The following XRCC4 variants were observed in gnomAD, a reference collection of about 807,000 sequenced individuals.
XRCC4 encodes DNA repair protein XRCC4.
A neutral mutation model predicts 39.1 loss-of-function variants in XRCC4; 28 were observed. The observed-to-expected ratio is 0.72, with a 90% CI of 0.53 to 0.98. The LOEUF (loss-of-function observed/expected upper bound fraction) is 0.98. Among genes scored for constraint, XRCC4 ranks in the 50% least tolerant of loss-of-function variants. The pLI is 0.00. For synonymous variants in XRCC4, 123 were observed against 126.4 expected (o/e 0.97, Z 0.18); for missense variants, 350 against 376.4 (o/e 0.93, Z 0.58).
At chr5:83,326,383 T>C (rs1756261789) in intron 7 of XRCC4, among the ~76,000 whole-genome samples, 1 of 152,090 alleles carries the variant, frequency 6.6e-6, no homozygotes, top group African/African-American at 2.4e-5. Context: ...TTTATAGTTT[T>C]TGGGTTTTAC....
chr5:83,349,510 C>T (rs1444002608), intron 7 of XRCC4, among the ~76,000 whole-genome samples: 3 of 152,112 alleles, frequency 2.0e-5, no homozygotes, highest in African/African-American at 7.2e-5. Context: ...TTACTGAGTA[C>T]CTGTTATGAC....
intron 3 of XRCC4, among the ~76,000 whole-genome samples, chr5:83,176,263 A>G (rs1206337159): frequency 3.3e-5 from 5 of 152,164 alleles, no homozygotes. Context: ...TAAAGAAGTT[A>G]AATATCTTTC....
chr5:83,154,417 T>C (rs1173680451), intron 3 of XRCC4, among the ~76,000 whole-genome samples: 2 of 152,196 alleles, frequency 1.3e-5, no homozygotes, highest in Non-Finnish European at 2.9e-5. Flanking sequence ...ATTTCATTTT[T>C]GGATTCCTGA....
chr5:83,355,100 G>C (rs1390789319), downstream of XRCC4, among the ~76,000 whole-genome samples: 1 of 151,630 alleles, frequency 6.6e-6, no homozygotes, highest in Non-Finnish European at 1.5e-5. Context: ...TACTCCCCTT[G>C]CCTCTCAAGT....
chr5:83,084,439 T>G (rs1479596461), intron 1 of XRCC4, among the ~76,000 whole-genome samples: 1 of 152,196 alleles, frequency 6.6e-6, no homozygotes, highest in Non-Finnish European at 1.5e-5. Context: ...TAGGCACTTT[T>G]GGGGAGGAAA....
At position 83,134,831 on chromosome 5, in the gene XRCC4, A is replaced by G. The variant is rs563266075; in HGVS notation, c.315+23628A>G. ...CTGCAGCTTCACTCCTGAAGCCAAC[A>G]AGACCATGAACCCTCTGGGCAGAAG... On this transcript the variant is annotated intron_variant, in intron 3 of 7. Coordinates refer to ENST00000396027, the MANE Select transcript of XRCC4 (RefSeq NM_003401.5). Among the ~76,000 whole-genome samples the G allele has an allele frequency of 5.3e-5, 8 of 152,242 alleles. 2 individuals are homozygous for G. The South Asian group carries it at 1.7e-3, about 32-fold the overall frequency.
chr5:83,096,054 G>A (rs1474618552), intron 1 of XRCC4, among the ~76,000 whole-genome samples: 1 of 152,016 alleles, frequency 6.6e-6, no homozygotes, highest in Non-Finnish European at 1.5e-5. Context: ...GGTTGGAGCT[G>A]AGACTGAGCC....
At chr5:83,204,792 A>T (rs751192906) in intron 5 of XRCC4, 23 bp from the exon 6 acceptor site, 2 of 1,590,486 alleles carry the variant, frequency 1.3e-6, no homozygotes, top group Non-Finnish European at 8.6e-7. Flanking sequence ...GTTATTTATA[A>T]TTCTACCTTT....
the XRCC4 span, among the ~76,000 whole-genome samples, chr5:83,374,297 G>A: frequency 6.6e-6 from 1 of 152,190 alleles, no homozygotes; most frequent in Non-Finnish European, 1.5e-5. Flanking sequence ...TCTCATGGTA[G>A]TGAATAAGTC....
intron 6 of XRCC4, among the ~76,000 whole-genome samples, chr5:83,241,937 A>G (rs923777928): frequency 6.9e-6 from 1 of 145,932 alleles, no homozygotes; most frequent in Non-Finnish European, 1.5e-5. Context: ...TGGCTGAGGA[A>G]GAGTGGGAGG....
downstream of XRCC4, among the ~76,000 whole-genome samples, chr5:83,354,388 C>T (rs952049760): frequency 2.6e-5 from 4 of 152,128 alleles, no homozygotes; most frequent in South Asian, 4.1e-4. Flanking sequence ...TATTCTAGGT[C>T]GTTTGTGATT....
At chr5:83,085,133 AACTT>A (rs1338407942) in intron 1 of XRCC4, among the ~76,000 whole-genome samples, 5 of 152,208 alleles carry the variant, frequency 3.3e-5, no homozygotes, top group South Asian at 2.1e-4. Flanking sequence ...GAATGCTATT[AACTT>A]ACTTCTAATT....
intron 7 of XRCC4, among the ~76,000 whole-genome samples, chr5:83,291,899 TTA>T (rs1012807562): frequency 2.6e-5 from 4 of 151,396 alleles, no homozygotes; most frequent in African/African-American, 9.7e-5. Flanking sequence ...GATAGATGAG[TTA>T]TATATATGTT....
intron 6 of XRCC4, among the ~76,000 whole-genome samples, chr5:83,219,368 A>G (rs970877511): frequency 1.3e-5 from 2 of 152,134 alleles, no homozygotes; most frequent in African/African-American, 4.8e-5. Context: ...TTCTGAAGCA[A>G]GGATCCAAAT....
chr5:83,121,443 A>T (rs1747004746), intron 3 of XRCC4, among the ~76,000 whole-genome samples: 1 of 152,114 alleles, frequency 6.6e-6, no homozygotes, highest in Admixed American at 6.6e-5. Context: ...ATTACTTGGT[A>T]TGGTCAGATT....
At chr5:83,216,922 T>C (rs1751881077) in intron 6 of XRCC4, among the ~76,000 whole-genome samples, 1 of 152,122 alleles carries the variant, frequency 6.6e-6, no homozygotes, top group Non-Finnish European at 1.5e-5. Context: ...CTAAAATCAT[T>C]GAATTGTACA....
At chr5:83,160,647 AG>A in intron 3 of XRCC4, among the ~76,000 whole-genome samples, 1 of 152,294 alleles carries the variant, frequency 6.6e-6, no homozygotes, top group South Asian at 2.1e-4. Context: ...ATATTCTTTC[AG>A]AATTATAATT....
chr5:83,082,461 G>T (rs1482142715), intron 1 of XRCC4, among the ~76,000 whole-genome samples: 1 of 152,150 alleles, frequency 6.6e-6, no homozygotes, highest in African/African-American at 2.4e-5. Context: ...TGGGTGAGGG[G>T]TATATGAGAA....
intron 7 of XRCC4, among the ~76,000 whole-genome samples, chr5:83,332,226 T>TACACACACACACACAC (rs67822741): frequency 5.9e-4 from 84 of 142,032 alleles, no homozygotes; most frequent in African/African-American, 1.7e-3. Flanking sequence ...TTCAATCTTC[T>TACACACACACACACAC]ACACACACAC....
Sources: gnomAD v4.1 joint callset for allele counts (sites outside exome capture counted in the v4.1 genomes callset) on GRCh38, gnomAD v4.1.1 for gene constraint, MANE v1.5 for transcripts, NCBI Gene and HGNC (gene_info 2026-07-23, HGNC 2026-07-21) for gene names.